TRIO: variants seen among roughly 807,000 people sequenced by gnomAD.
TRIO encodes trio Rho guanine nucleotide exchange factor.
TRIO carries 58 observed loss-of-function variants against 351.9 expected under a neutral mutation model. The observed-to-expected ratio is 0.16, with a 90% CI of 0.13 to 0.21. The LOEUF (loss-of-function observed/expected upper bound fraction) is 0.21. Ranked by LOEUF, TRIO falls within the 10% of genes least tolerant of loss-of-function variation. TRIO has a pLI of 1.00. For missense variants in TRIO, 3,201 were observed against 4,027.8 expected, an observed-to-expected ratio of 0.79 and a Z score of 5.56; for synonymous variants, 1,758 against 1,595.7, an observed-to-expected ratio of 1.10 and a Z score of -2.42.
intron 1 of TRIO, among the ~76,000 whole-genome samples, chr5:14,164,824 C>T (rs1236492361): frequency 2.0e-5 from 3 of 152,170 alleles, no homozygotes; most frequent in Non-Finnish European, 2.9e-5. Flanking sequence ...ATGTCTAAGT[C>T]CAATTCAGCT....
intron 55 of TRIO, among the ~76,000 whole-genome samples, chr5:14,506,613 G>T (rs1579862639): frequency 6.6e-6 from 1 of 152,106 alleles, no homozygotes; most frequent in Admixed American, 6.5e-5. Context: ...CTGGGTAAGT[G>T]TTTTTTTAGT....
chr5:14,458,630 C>T (rs1201268991), intron 34 of TRIO, among the ~76,000 whole-genome samples: 2 of 152,244 alleles, frequency 1.3e-5, no homozygotes, highest in East Asian at 1.9e-4. Flanking sequence ...CTCCAAGTCA[C>T]AGCACAGTAA....
intron 5 of TRIO, among the ~76,000 whole-genome samples, chr5:14,292,454 A>T (rs1261047386): frequency 6.6e-6 from 1 of 152,202 alleles, no homozygotes; most frequent in East Asian, 1.9e-4. Flanking sequence ...TCTATATTGA[A>T]CCTTAAGGGA....
intron 34 of TRIO, among the ~76,000 whole-genome samples, chr5:14,442,088 G>A (rs750374629): frequency 6.6e-6 from 1 of 152,170 alleles, no homozygotes; most frequent in Non-Finnish European, 1.5e-5. Flanking sequence ...CTTTGTTTCA[G>A]TAACCTTTGA....
At chr5:14,182,240 G>C (rs1366754670) in intron 1 of TRIO, among the ~76,000 whole-genome samples, 1 of 152,202 alleles carries the variant, frequency 6.6e-6, no homozygotes, top group Non-Finnish European at 1.5e-5. Context: ...GCTCTGCTGT[G>C]AGGCTCAGGG....
Position 14,508,170 on chromosome 5 carries a change from C to T in TRIO, c.9042C>T (p.Asp3014=). The change falls in exon 57 of 57, where the codon GAC becomes GAT. Residue 3014 remains aspartate (D), a synonymous_variant. Transcript: ENST00000344204. ...GCTTAGACTTTAGCTTCCCAGATGA[C>T]TACTTTAAAGGAGTGAGCCAGAAGG... The part of the protein sequence containing the change: ...ICRLDFSFPD[D]YFKGVSQKAK... 1 of 1,614,196 alleles carries T rather than the reference C, an allele frequency of 6.2e-7. No individual in the cohort carries two copies. Among genetic ancestry groups the T allele is most frequent in the Non-Finnish European group, 8.5e-7 (1 of 1,180,042 alleles).
chr5:14,238,763 G>C (rs767288788), intron 1 of TRIO, among the ~76,000 whole-genome samples: 3 of 152,178 alleles, frequency 2.0e-5, no homozygotes, highest in Non-Finnish European at 2.9e-5. Context: ...AGGCCCTGGT[G>C]GGGGGTGCAA....
chr5:14,505,008 C>T (rs373523257), intron 55 of TRIO, among the ~76,000 whole-genome samples: 11 of 152,254 alleles, frequency 7.2e-5, no homozygotes, highest in African/African-American at 2.7e-4. Context: ...CCCCTCAGGC[C>T]TCCTGCCAAG....
At chr5:14,312,328 CAT>C (rs1265790948) in intron 8 of TRIO, among the ~76,000 whole-genome samples, 2 of 152,202 alleles carry the variant, frequency 1.3e-5, no homozygotes, top group Admixed American at 1.3e-4. Flanking sequence ...TAGGAACAAA[CAT>C]ATCTTTGATA....
intron 6 of TRIO, 26 bp downstream of exon 6, chr5:14,293,160 C>G: frequency 6.2e-7 from 1 of 1,613,684 alleles, no homozygotes; most frequent in Non-Finnish European, 8.5e-7. Flanking sequence ...CAGCTGGACC[C>G]TGGCATGTGA....
rs536145520 is a variant in TRIO, at chr5:14,404,480, A to G, written c.4717-1368A>G. Among the ~76,000 whole-genome samples, 4 of 152,292 alleles carry G rather than the reference A, an allele frequency of 2.6e-5. No individual in the cohort carries two copies. The East Asian group carries it at 7.7e-4, about 29-fold the overall frequency. On this transcript the variant is annotated intron_variant, in intron 31 of 56. Transcript: ENST00000344204. ...CATATGAGAATTTTCTTTATTTCTG[A>G]ACCATATTAACAGTTTTCCTCAGTT... is the stretch of plus-strand genomic sequence containing the variant.
At chr5:14,178,566 AATT>A (rs1250769685) in intron 1 of TRIO, among the ~76,000 whole-genome samples, 2 of 152,276 alleles carry the variant, frequency 1.3e-5, no homozygotes, top group South Asian at 2.1e-4. Flanking sequence ...TGTTACCAAT[AATT>A]ATTCTAGAAC....
intron 34 of TRIO, among the ~76,000 whole-genome samples, chr5:14,437,794 T>C (rs1751715233): frequency 6.6e-6 from 1 of 151,396 alleles, no homozygotes; most frequent in Non-Finnish European, 1.5e-5. Context: ...AGCATAGGAA[T>C]TGGGGAATAC....
intron 11 of TRIO, among the ~76,000 whole-genome samples, chr5:14,356,658 G>T (rs892245244): frequency 1.3e-5 from 2 of 152,206 alleles, no homozygotes; most frequent in Non-Finnish European, 2.9e-5. Flanking sequence ...AGTTCATACA[G>T]AGGTTGTGCC....
intron 48 of TRIO, chr5:14,488,945 T>A (rs1312194229): frequency 3.9e-6 from 3 of 764,086 alleles, no homozygotes; most frequent in African/African-American, 1.7e-5. Context: ...TCACTCATGC[T>A]GCCGTCTCAA....
At position 14,297,248 on chromosome 5, in the gene TRIO, C is replaced by A. The variant is rs1737442691; in HGVS notation, c.1353C>A (p.His451Gln). ...TGCTGGACATGTCCTCCATTTTCCA[C>A]CAGAAGGCCGAAAAGGTCAGTGCCT... is the stretch of plus-strand genomic sequence containing the variant. The part of the protein sequence containing the change: ...STLLDMSSIF[H>Q]QKAEKYMSNV... The change falls in exon 7 of 57, where the codon CAC becomes CAA. Residue 451 changes from histidine to glutamine, a missense_variant. Physicochemically the swap from His to Gln is conservative, Grantham distance 24. Around this residue, in one of 19 missense-constraint regions of TRIO, gnomAD observed 349 missense variants for 449.3 expected, o/e 0.78. Transcript: ENST00000344204. The A allele has an allele frequency of 6.2e-7, 1 of 1,613,896 alleles. No homozygotes were observed. The highest frequency in any genetic ancestry group is 1.3e-5 in the African/African-American group (1 of 75,032).
At chr5:14,236,814 A>G (rs1423807309) in intron 1 of TRIO, among the ~76,000 whole-genome samples, 2 of 151,928 alleles carry the variant, frequency 1.3e-5, no homozygotes, top group African/African-American at 4.8e-5. Context: ...CCAGAAAGAA[A>G]CCCCACAGCC....
At chr5:14,380,917 A>C (rs907987825) in intron 20 of TRIO, among the ~76,000 whole-genome samples, 7 of 152,248 alleles carry the variant, frequency 4.6e-5, no homozygotes. Flanking sequence ...CATAAGTGAT[A>C]CTGTTATAAC....
chr5:14,230,372 G>A (rs1219260533), intron 1 of TRIO, among the ~76,000 whole-genome samples: 1 of 145,882 alleles, frequency 6.9e-6, no homozygotes, highest in African/African-American at 2.5e-5. Context: ...GTGTGTGTGT[G>A]TGTTGGGTGA....
Sources: allele counts gnomAD v4.1 joint callset (sites outside exome capture counted in the v4.1 genomes callset), GRCh38; gene constraint gnomAD v4.1.1; regional missense constraint gnomAD v4.1.1; transcripts MANE v1.5; gene names NCBI Gene and HGNC (gene_info 2026-07-23, HGNC 2026-07-21).